KALRN: variants seen among roughly 807,000 people sequenced by gnomAD.
KALRN encodes the protein kalirin.
In KALRN, 70 loss-of-function variants were observed where a neutral mutation model predicts 353.7. The ratio of observed to expected loss-of-function variants is 0.20; its 90% confidence interval spans 0.16 to 0.24. KALRN has a LOEUF of 0.24. Ranked by LOEUF, KALRN falls within the 10% of genes least tolerant of loss-of-function variation. KALRN has a pLI of 1.00. For missense variants in KALRN, 2,791 were observed against 3,756.7 expected (o/e 0.74, Z 6.72); for synonymous variants, 1,391 against 1,434.8 (o/e 0.97, Z 0.69).
At chr3:124,657,175 G>A (rs2084159191) in intron 39 of KALRN, among the ~76,000 whole-genome samples, 1 of 152,220 alleles carries the variant, frequency 6.6e-6, no homozygotes, top group Non-Finnish European at 1.5e-5. Context: ...TTTGGATTGG[G>A]AGAAGGAAGA....
intron 1 of KALRN, among the ~76,000 whole-genome samples, chr3:124,047,672 T>TA (rs2040626928): frequency 6.6e-6 from 1 of 150,686 alleles, no homozygotes; most frequent in African/African-American, 2.4e-5. Context: ...TTTTTTTATT[T>TA]TTTTTTATTT....
Position 124,131,993 on chromosome 3 carries a change from G to A in KALRN, c.74-95997G>A, listed in dbSNP as rs1404553072. Among the ~76,000 whole-genome samples, 9 of 151,966 alleles carry A rather than the reference G, an allele frequency of 5.9e-5. No individual in the cohort carries two copies. The South Asian group carries it at 6.2e-4, about 11-fold the overall frequency. Reference sequence around the variant, plus strand: ...CATAGCCAGTTCTCACTTTTTTTCCGTATGTGTATTATATGGTCAGTTTTA... The same window carrying A: ...CATAGCCAGTTCTCACTTTTTTTCCATATGTGTATTATATGGTCAGTTTTA... On this transcript the variant is annotated intron_variant, in intron 1 of 59. Coordinates refer to ENST00000682506, the MANE Select transcript of KALRN (RefSeq NM_001388419.1).
chr3:124,383,470 G>T (rs9832203), intron 10 of KALRN, among the ~76,000 whole-genome samples: 26,360 of 152,106 alleles, frequency 0.17, 2,336 homozygotes, highest in Admixed American at 0.2. Flanking sequence ...TCAACTTTTA[G>T]TAGTTTTCTG....
intron 34 of KALRN, among the ~76,000 whole-genome samples, chr3:124,583,325 A>C (rs2074806892): frequency 6.6e-6 from 1 of 151,336 alleles, no homozygotes. Flanking sequence ...AAAGCTGGAC[A>C]CAAAGGAATG....
At chr3:124,048,544 C>T (rs1203123864) in intron 1 of KALRN, among the ~76,000 whole-genome samples, 5 of 151,416 alleles carry the variant, frequency 3.3e-5, no homozygotes, top group South Asian at 4.2e-4. Context: ...TGCAGTGGTG[C>T]GATCTCGGCT....
chr3:124,286,099 CTTTCTTTCTT>C (rs2075835756), intron 5 of KALRN, among the ~76,000 whole-genome samples: 1 of 143,678 alleles, frequency 7.0e-6, no homozygotes, highest in Admixed American at 7.1e-5. Flanking sequence ...TTCTTTCTTT[CTTTCTTTCTT>C]TCTTTCTTTC....
At chr3:124,220,634 A>G (rs150358456) in intron 1 of KALRN, among the ~76,000 whole-genome samples, 1 of 152,178 alleles carries the variant, frequency 6.6e-6, no homozygotes, top group Non-Finnish European at 1.5e-5. Context: ...CCCATTTTCT[A>G]CACAGAAGAG....
intron 27 of KALRN, among the ~76,000 whole-genome samples, chr3:124,480,055 G>C (rs1238943994): frequency 6.6e-6 from 1 of 152,084 alleles, no homozygotes; most frequent in Non-Finnish European, 1.5e-5. Flanking sequence ...ACACAGCATG[G>C]GTGTGATGTC....
chr3:124,302,498 A>C (rs1252653174), intron 6 of KALRN, among the ~76,000 whole-genome samples: 1 of 152,236 alleles, frequency 6.6e-6, no homozygotes, highest in Non-Finnish European at 1.5e-5. Context: ...AGAACTTATA[A>C]TTTAAAGAAG....
In KALRN at chr3:124,229,525, C is replaced by A. The variant is rs189706677; in HGVS notation, c.148+1461C>A. On this transcript the variant is annotated intron_variant, in intron 2 of 59. Coordinates refer to ENST00000682506, the MANE Select transcript of KALRN (RefSeq NM_001388419.1). ...AAGGAGTAGCAGTGGAGTCACAGAG[C>A]AAGAGCTAGTCCAGTCCTGTAGAGC... Among the ~76,000 whole-genome samples, 343 of 152,354 alleles carry A rather than the reference C, an allele frequency of 2.3e-3. 2 individuals are homozygous for A. Among genetic ancestry groups the A allele is most frequent in the Non-Finnish European group, 5.1e-4 (35 of 68,040 alleles).
chr3:124,244,105 A>G (rs1324165008), intron 3 of KALRN, among the ~76,000 whole-genome samples: 1 of 152,226 alleles, frequency 6.6e-6, no homozygotes, highest in Non-Finnish European at 1.5e-5. Flanking sequence ...TATATTTTTA[A>G]ATTAGAAAGA....
chr3:124,318,623 T>C (rs2079034944), intron 6 of KALRN, among the ~76,000 whole-genome samples: 1 of 152,230 alleles, frequency 6.6e-6, no homozygotes, highest in Non-Finnish European at 1.5e-5. Flanking sequence ...GCTTTTTCCA[T>C]TGCTTTGACA....
intron 6 of KALRN, among the ~76,000 whole-genome samples, chr3:124,308,286 C>T (rs2077903760): frequency 6.6e-6 from 1 of 151,760 alleles, no homozygotes; most frequent in Non-Finnish European, 1.5e-5. Context: ...AATAGAATAC[C>T]TAAACAAAGA....
chr3:124,319,811 G>T (rs56127971), intron 6 of KALRN, among the ~76,000 whole-genome samples: 3,797 of 151,934 alleles, frequency 0.025, 73 homozygotes, highest in Non-Finnish European at 0.04. Flanking sequence ...TGGCCAACAT[G>T]GCAAAACCCC....
chr3:124,480,244 C>G (rs1050066870), intron 27 of KALRN, among the ~76,000 whole-genome samples: 2 of 152,224 alleles, frequency 1.3e-5, no homozygotes, highest in African/African-American at 4.8e-5. Flanking sequence ...CAAGCTGCAT[C>G]TGTTTTGCCC....
chr3:124,069,197 C>CA (rs978383299), intron 1 of KALRN, among the ~76,000 whole-genome samples: 8 of 152,046 alleles, frequency 5.3e-5, no homozygotes, highest in African/African-American at 1.9e-4. Flanking sequence ...CCTAAAGTCA[C>CA]ACAGCTGTTA....
intron 33 of KALRN, among the ~76,000 whole-genome samples, chr3:124,559,277 C>G (rs2071650186): frequency 6.6e-6 from 1 of 152,144 alleles, no homozygotes. Context: ...AGCAGGGGAA[C>G]AGGCCCCACT....
chr3:124,185,605 G>T (rs1403310619), intron 1 of KALRN, among the ~76,000 whole-genome samples: 2 of 152,214 alleles, frequency 1.3e-5, no homozygotes, highest in Admixed American at 1.3e-4. Context: ...GTGAGCAGTA[G>T]TTGCTCCAGA....
At chr3:124,317,428 T>C (rs1580878073) in intron 6 of KALRN, among the ~76,000 whole-genome samples, 1 of 152,030 alleles carries the variant, frequency 6.6e-6, no homozygotes, top group Non-Finnish European at 1.5e-5. Context: ...AAGGGTGAAA[T>C]GTGTTTGTAC....
Sources: allele counts gnomAD v4.1 joint callset (sites outside exome capture counted in the v4.1 genomes callset), GRCh38; gene constraint gnomAD v4.1.1; transcripts MANE v1.5; gene names NCBI Gene and HGNC (gene_info 2026-07-23, HGNC 2026-07-21).